TXNRD1: variants seen among roughly 807,000 people sequenced by gnomAD.
TXNRD1 encodes thioredoxin reductase 1.
TXNRD1 carries 57 observed loss-of-function variants against 80.3 expected under a neutral mutation model. The observed-to-expected ratio is 0.71, with a 90% CI of 0.57 to 0.89. The LOEUF (loss-of-function observed/expected upper bound fraction) is 0.89, where lower values mean the gene tolerates loss of function less well. TXNRD1 is among the 40% of genes least tolerant of loss of function. The pLI is 0.00. For missense variants in TXNRD1, 730 were observed against 803.0 expected (o/e 0.91, Z 1.10); for synonymous variants, 291 against 285.2 (o/e 1.02, Z -0.20).
chr12:104,239,194 AT>A (rs34563849), intron 1 of TXNRD1, among the ~76,000 whole-genome samples: 100,148 of 139,262 alleles, frequency 0.72, 35,785 homozygotes, highest in East Asian at 0.84. Flanking sequence ...CTTTGTGGGA[AT>A]TTTTTTTTTT....
At chr12:104,293,220 A>G (rs996514787) in intron 4 of TXNRD1, among the ~76,000 whole-genome samples, 18 of 152,198 alleles carry the variant, frequency 1.2e-4, no homozygotes, top group African/African-American at 4.3e-4. Flanking sequence ...GAGTGAGTGA[A>G]AAAGTATTTA....
intron 16 of TXNRD1, among the ~76,000 whole-genome samples, chr12:104,347,720 ATAC>A (rs956526827): frequency 6.6e-6 from 1 of 152,260 alleles, no homozygotes; most frequent in African/African-American, 2.4e-5. Context: ...GAATAATTGA[ATAC>A]TACAATATAC....
At chr12:104,279,529 G>A (rs2033831448) in intron 3 of TXNRD1, among the ~76,000 whole-genome samples, 1 of 152,098 alleles carries the variant, frequency 6.6e-6, no homozygotes, top group South Asian at 2.1e-4. Context: ...GACCACAAAG[G>A]GCCTTGTAGA....
rs762543774 is a variant in TXNRD1, at chr12:104,311,291, C to T, written c.416C>T (p.Ala139Val). ...TTCTCTTCTGTTATTTTTCTTTAGG[C>T]TTATCAGGAGGGCAGACTTCAAAAG... ...KIGGHGPTLK[A>V]YQEGRLQKLL... Residue 139 changes from alanine (A) to valine (V), a missense_variant and splice_region_variant, in exon 5 of 17, where the codon GCT becomes GTT. Transcript: ENST00000525566. The T allele has an allele frequency of 3.1e-6, 5 of 1,592,546 alleles. No homozygotes were observed. Among genetic ancestry groups the T allele is most frequent in the Non-Finnish European group, 4.3e-6 (5 of 1,168,612 alleles).
intron 2 of TXNRD1, among the ~76,000 whole-genome samples, chr12:104,257,724 A>G (rs1034719931): frequency 5.9e-5 from 9 of 152,118 alleles, no homozygotes; most frequent in East Asian, 3.9e-4. Context: ...TTTTAAACAT[A>G]GTATTAAACC....
chr12:104,332,757 A>C (rs988781911), intron 14 of TXNRD1, among the ~76,000 whole-genome samples: 1 of 150,938 alleles, frequency 6.6e-6, no homozygotes, highest in Non-Finnish European at 1.5e-5. Context: ...CTCAAAAAAA[A>C]AAAAAAAAAA....
intron 15 of TXNRD1, 59 bp from the exon 16 acceptor site, chr12:104,339,080 A>T: frequency 6.3e-7 from 1 of 1,598,894 alleles, no homozygotes; most frequent in Non-Finnish European, 8.5e-7. Context: ...TAAGCTGTGT[A>T]GGAAGAGGAG....
chr12:104,290,753 A>ATATATG (rs200398992), intron 4 of TXNRD1, among the ~76,000 whole-genome samples: 49 of 113,972 alleles, frequency 4.3e-4, no homozygotes, highest in Admixed American at 7.8e-4. Flanking sequence ...ATATATATAT[A>ATATATG]TATATGTATA....
chr12:104,339,291 A>T lies in TXNRD1; in HGVS notation c.1881+18A>T. On this transcript the variant is annotated intron_variant, in intron 16 of 16. Coordinates refer to ENST00000525566, the MANE Select transcript of TXNRD1 (RefSeq NM_001093771.3). ...GTGCAGAGGTGGGTCATCTACACTT[A>T]TACAGTTTAAAATGTTTAAAATGTG... 6.2e-7 allele frequency: 1 copy of T among 1,613,628 alleles called. No individual in the cohort carries two copies. Among genetic ancestry groups the T allele is most frequent in the Non-Finnish European group, 8.5e-7 (1 of 1,179,694 alleles).
chr12:104,267,731 CTTTCCTTT>C (rs1405222774), intron 3 of TXNRD1, among the ~76,000 whole-genome samples: 4 of 138,070 alleles, frequency 2.9e-5, no homozygotes, highest in African/African-American at 8.0e-5. Context: ...CTCTTTCTTT[CTTTCCTTT>C]CTTCCTTCCT....
rs547986757 is a variant in TXNRD1 at position 104,278,922 on chromosome 12, A to G, written c.305-10009A>G. 7.7e-4 allele frequency among the ~76,000 whole-genome samples: 118 copies of G among 152,306 alleles called. 1 individual carries two copies. Among genetic ancestry groups the G allele is most frequent in the African/African-American group, 2.4e-3 (101 of 41,570 alleles). On this transcript the variant is annotated intron_variant, in intron 3 of 16. Coordinates refer to ENST00000525566, the MANE Select transcript of TXNRD1 (RefSeq NM_001093771.3). ...AAAAGATGGAATATACAAATTAACT[A>G]AGTAATATCTGCATTTTTACAGATT...
intron 13 of TXNRD1, among the ~76,000 whole-genome samples, chr12:104,330,828 TC>T (rs1171512288): frequency 2.6e-5 from 4 of 152,122 alleles, no homozygotes; most frequent in Non-Finnish European, 5.9e-5. Context: ...CCTCAGGTGA[TC>T]CACTAGCCTC....
chr12:104,260,972 C>T (rs1438413480), intron 3 of TXNRD1, among the ~76,000 whole-genome samples: 1 of 152,124 alleles, frequency 6.6e-6, no homozygotes, highest in Non-Finnish European at 1.5e-5. Context: ...ATGTGGAAAA[C>T]TTGTGTTTTT....
At chr12:104,219,417 A>T (rs948800904) in intron 1 of TXNRD1, among the ~76,000 whole-genome samples, 1 of 152,232 alleles carries the variant, frequency 6.6e-6, no homozygotes, top group African/African-American at 2.4e-5. Flanking sequence ...TCAACCGAGC[A>T]TCTATTATTT....
At chr12:104,322,956 C>T (rs1414121754) in intron 10 of TXNRD1, among the ~76,000 whole-genome samples, 2 of 136,582 alleles carry the variant, frequency 1.5e-5, no homozygotes, top group African/African-American at 2.8e-5. Context: ...TGCGGCCTTC[C>T]GCGGTGTTTG....
At chr12:104,279,228 T>C (rs1296889014) in intron 3 of TXNRD1, among the ~76,000 whole-genome samples, 1 of 152,210 alleles carries the variant, frequency 6.6e-6, no homozygotes, top group East Asian at 1.9e-4. Flanking sequence ...ACTGTGCTAT[T>C]CTAGAGTGAG....
At chr12:104,332,838 A>C (rs986124626) in intron 14 of TXNRD1, among the ~76,000 whole-genome samples, 73 of 151,434 alleles carry the variant, frequency 4.8e-4, no homozygotes, top group African/African-American at 1.7e-3. Flanking sequence ...ATTTTAATTC[A>C]TGAAGAGATA....
intron 3 of TXNRD1, among the ~76,000 whole-genome samples, chr12:104,259,110 G>T (rs993118241): frequency 8.5e-5 from 13 of 152,104 alleles, no homozygotes; most frequent in African/African-American, 3.1e-4. Context: ...CTGGCATGGT[G>T]GCTCGCTTCT....
In TXNRD1 at chr12:104,319,533, G is replaced by C; in HGVS notation, c.937G>C (p.Glu313Gln). The change falls in exon 9 of 17, where the codon GAA becomes CAA. Residue 313 changes from glutamate (E) to glutamine (Q), a missense_variant. Glu to Gln is a conservative substitution (Grantham distance 29). Coordinates refer to ENST00000525566, the MANE Select transcript of TXNRD1 (RefSeq NM_001093771.3). ...SAERFLIATG[E>Q]RPRYLGIPGD... ...AGAGAGATTTCTCATTGCCACTGGT[G>C]AAAGACCACGTTACTTGGGCATCCC... 6.2e-7 allele frequency: 1 copy of C among 1,605,582 alleles called. No homozygotes were observed.
Sources: allele counts gnomAD v4.1 joint callset (sites outside exome capture counted in the v4.1 genomes callset), GRCh38; gene constraint gnomAD v4.1.1; transcripts MANE v1.5; gene names NCBI Gene and HGNC (gene_info 2026-07-23, HGNC 2026-07-21).